COBL: variants seen among roughly 807,000 people sequenced by gnomAD.
The protein encoded by COBL is protein cordon-bleu.
Under a neutral mutation model 98.8 loss-of-function variants are expected in COBL, and 51 were observed. The observed-to-expected ratio is 0.52, with a 90% CI of 0.41 to 0.65. COBL has a LOEUF of 0.65. Ranked by LOEUF, COBL falls within the 30% of genes least tolerant of loss-of-function variation. The probability of loss-of-function intolerance (pLI) is 0.00; values close to 1 mark genes in which losing one functional copy is unlikely to be tolerated. For missense variants in COBL, 1,617 were observed against 1,617.5 expected (o/e 1.00, Z 0.01); for synonymous variants, 634 against 651.7 (o/e 0.97, Z 0.41).
chr7:51,217,179 C>T (rs1301042077), intron 2 of COBL, among the ~76,000 whole-genome samples: 1 of 152,148 alleles, frequency 6.6e-6, no homozygotes, highest in African/African-American at 2.4e-5. Flanking sequence ...TGGTGGCAAC[C>T]TCTACTTTAT....
At chr7:51,124,928 C>T (rs1032562129) in intron 6 of COBL, among the ~76,000 whole-genome samples, 1 of 152,150 alleles carries the variant, frequency 6.6e-6, no homozygotes, top group Non-Finnish European at 1.5e-5. Context: ...TCTCGTGTCT[C>T]AGCTTCCTGA....
chr7:51,218,355 T>A (rs1447657418), intron 2 of COBL, among the ~76,000 whole-genome samples: 1 of 152,368 alleles, frequency 6.6e-6, no homozygotes, highest in Non-Finnish European at 1.5e-5. Flanking sequence ...TAAAATAAAA[T>A]GCTTACATCA....
At chr7:51,243,201 T>C (rs966706328) in intron 1 of COBL, among the ~76,000 whole-genome samples, 1 of 152,226 alleles carries the variant, frequency 6.6e-6, no homozygotes, top group Non-Finnish European at 1.5e-5. Flanking sequence ...CTGGACGCTA[T>C]TCCATGAAGC....
chr7:51,024,527 G>A (rs538754543), intron 12 of COBL, among the ~76,000 whole-genome samples: 4 of 152,254 alleles, frequency 2.6e-5, no homozygotes, highest in South Asian at 2.1e-4. Flanking sequence ...CAGGTGGGCA[G>A]TAATGTGCAG....
chr7:51,074,141 G>T (rs1792827062), intron 7 of COBL, among the ~76,000 whole-genome samples: 1 of 151,188 alleles, frequency 6.6e-6, no homozygotes, highest in Admixed American at 6.6e-5. Context: ...ATAAGAGAAT[G>T]CCTGATTCAT....
intron 2 of COBL, among the ~76,000 whole-genome samples, chr7:51,218,172 C>G (rs2129086002): frequency 6.6e-6 from 1 of 152,318 alleles, no homozygotes; most frequent in Middle Eastern, 3.4e-3. Flanking sequence ...TCGAGCAATG[C>G]TCCCCAAATT....
rs183984231 is a variant in COBL, at chr7:51,281,122, A to G, written c.41+35471T>C. On this transcript the variant is annotated intron_variant, in intron 1 of 12. Transcript: ENST00000265136. ...AAGTCTTGGCAAAGAAATAGAAGATATAACGAAGAAACAAAAGAAAATTTT... is the reference window on the plus strand; with the variant it reads ...AAGTCTTGGCAAAGAAATAGAAGATGTAACGAAGAAACAAAAGAAAATTTT... 1.6e-3 allele frequency among the ~76,000 whole-genome samples: 250 copies of G among 152,352 alleles called. 2 individuals carry two copies. The highest frequency in any genetic ancestry group is 5.8e-3 in the African/African-American group (241 of 41,582).
At chr7:51,048,828 A>G (rs1789970604) in intron 7 of COBL, among the ~76,000 whole-genome samples, 1 of 152,220 alleles carries the variant, frequency 6.6e-6, no homozygotes, top group Admixed American at 6.5e-5. Context: ...GCAAAATGGT[A>G]AAATATCATT....
At chr7:51,112,365 T>C (rs1039677919) in intron 6 of COBL, among the ~76,000 whole-genome samples, 8 of 152,182 alleles carry the variant, frequency 5.3e-5, no homozygotes, top group African/African-American at 1.7e-4. Context: ...TTCTAAGATA[T>C]GGACCATTTA....
chr7:51,136,077 C>T lies in COBL; in HGVS notation c.957+81G>A, dbSNP rs1799207277. On this transcript the variant is annotated intron_variant, in intron 6 of 12. Transcript: ENST00000265136. Reference sequence around the variant, plus strand: ...CTACAGCCACAAACATGAAGGATTACTGTGTTCCCAGGGAGCTTTGGAACA... The same window carrying T: ...CTACAGCCACAAACATGAAGGATTATTGTGTTCCCAGGGAGCTTTGGAACA... 4 of 1,505,418 alleles carry T rather than the reference C, an allele frequency of 2.7e-6. No individual in the cohort carries two copies. The African/African-American group carries it at 4.2e-5, about 16-fold the overall frequency. 93.3% of individuals were successfully genotyped at this position (1,505,418 alleles called of 1,614,324 possible).
chr7:51,215,857 A>T (rs1047592150), intron 2 of COBL, among the ~76,000 whole-genome samples: 1 of 152,216 alleles, frequency 6.6e-6, no homozygotes, highest in African/African-American at 2.4e-5. Flanking sequence ...GCACCTGAGA[A>T]CAGGTGAGCC....
At chr7:51,157,170 A>G (rs1037755110) in intron 5 of COBL, among the ~76,000 whole-genome samples, 1 of 152,208 alleles carries the variant, frequency 6.6e-6, no homozygotes, top group African/African-American at 2.4e-5. Context: ...CAGGAGTTCA[A>G]AACCAGCCTG....
Position 51,233,491 on chromosome 7 carries a change from G to T in COBL, c.42-13547C>A, listed in dbSNP as rs115497101. 5.5e-3 allele frequency among the ~76,000 whole-genome samples: 837 copies of T among 152,302 alleles called. 10 individuals carry two copies. Among genetic ancestry groups the T allele is most frequent in the African/African-American group, 0.019 (789 of 41,548 alleles). The stretch of plus-strand genomic sequence containing the variant: ...AAAGTGTGGAAAAGAGAACCAAACC[G>T]AGTGGAAATCCTAAGACAAAAACTG... On this transcript the variant is annotated intron_variant, in intron 1 of 12. Coordinates refer to ENST00000265136, the MANE Select transcript of COBL (RefSeq NM_015198.5).
chr7:51,046,249 G>T (rs563691092), intron 7 of COBL, among the ~76,000 whole-genome samples: 2 of 152,286 alleles, frequency 1.3e-5, no homozygotes, highest in East Asian at 3.9e-4. Flanking sequence ...GCACCTGCTC[G>T]GAGTATAGGG....
Position 51,146,981 on chromosome 7 carries a change from G to A in COBL, c.784-10650C>T, listed in dbSNP as rs559112670. Among the ~76,000 whole-genome samples, 238 of 152,322 alleles carry A rather than the reference G, an allele frequency of 1.6e-3. 1 individual carries two copies. Among genetic ancestry groups the A allele is most frequent in the Non-Finnish European group, 2.5e-3 (173 of 68,014 alleles). ...CTCCCCACCTTGGGCATGGTGATGG[G>A]GAGCCAGCAGGGGGTTGCTCATTAA... is the stretch of plus-strand genomic sequence containing the variant. On this transcript the variant is annotated intron_variant, in intron 5 of 12. Transcript: ENST00000265136.
intron 2 of COBL, among the ~76,000 whole-genome samples, chr7:51,214,775 G>A (rs1310447453): frequency 6.6e-6 from 1 of 152,156 alleles, no homozygotes; most frequent in African/African-American, 2.4e-5. Flanking sequence ...TCCTGTGTTT[G>A]AAGAAAATTA....
At chr7:51,120,885 A>G (rs1797680143) in intron 6 of COBL, among the ~76,000 whole-genome samples, 1 of 152,232 alleles carries the variant, frequency 6.6e-6, no homozygotes, top group African/African-American at 2.4e-5. Flanking sequence ...CATTGTAAAC[A>G]AATGAACAAA....
rs71021766 is a variant in COBL, at chr7:51,297,391, C to CTTTTT, written c.41+19197_41+19201dup. Among the ~76,000 whole-genome samples the CTTTTT allele has an allele frequency of 1.5e-3, 178 of 119,274 alleles. 4 individuals are homozygous for CTTTTT. The highest frequency in any genetic ancestry group is 9.2e-3 in the East Asian group (36 of 3,916). 78.2% of individuals were successfully genotyped at this position (119,274 alleles called of 152,430 possible). ...AGCTAAGTTTCATCATTTTGAAAAT[C>CTTTTT]TTTTTTTTTTTTTTTTTTGAGATGG... On this transcript the variant is annotated intron_variant, in intron 1 of 12. Transcript: ENST00000265136.
chr7:51,017,665 A>G (rs1786405583), intron 12 of COBL, 97 bp from the exon 13 acceptor site: 1 of 1,279,924 alleles, frequency 7.8e-7, no homozygotes, highest in East Asian at 2.3e-5. Context: ...CCACTCTTGC[A>G]ATAGTACTCC....
Sources: gnomAD v4.1 joint callset for allele counts (sites outside exome capture counted in the v4.1 genomes callset) on GRCh38, gnomAD v4.1.1 for gene constraint, MANE v1.5 for transcripts, NCBI Gene and HGNC (gene_info 2026-07-23, HGNC 2026-07-21) for gene names.